NAA15: variants seen among roughly 807,000 people sequenced by gnomAD.
NAA15 encodes N-alpha-acetyltransferase 15, NatA auxiliary subunit, also known as N-terminal acetyltransferase.
Under a neutral mutation model 114.0 loss-of-function variants are expected in NAA15, and 34 were observed. The ratio of observed to expected loss-of-function variants is 0.30; its 90% confidence interval spans 0.23 to 0.40. The LOEUF (loss-of-function observed/expected upper bound fraction) is 0.40, where lower values mean the gene tolerates loss of function less well. NAA15 is among the 10% of genes least tolerant of loss of function. The pLI is 1.00. For missense variants in NAA15, 658 were observed against 1,004.5 expected (o/e 0.66, Z 4.66); for synonymous variants, 340 against 338.0 (o/e 1.01, Z -0.06).
At chr4:139,329,189 T>G (rs1746912839) in intron 1 of NAA15, among the ~76,000 whole-genome samples, 1 of 152,176 alleles carries the variant, frequency 6.6e-6, no homozygotes, top group Non-Finnish European at 1.5e-5. Context: ...GCCTTAATAC[T>G]GTATTTTCAT....
intron 14 of NAA15, among the ~76,000 whole-genome samples, chr4:139,367,558 A>G (rs1748317230): frequency 6.6e-6 from 1 of 152,130 alleles, no homozygotes; most frequent in African/African-American, 2.4e-5. Context: ...AGGGGAGAAC[A>G]CCCTTAAGTT....
At chr4:139,367,826 G>C (rs957765484) in intron 14 of NAA15, among the ~76,000 whole-genome samples, 2 of 152,006 alleles carry the variant, frequency 1.3e-5, no homozygotes, top group Non-Finnish European at 2.9e-5. Context: ...CATTTTTCCT[G>C]GGCACTTTGC....
intron 9 of NAA15, among the ~76,000 whole-genome samples, chr4:139,352,732 A>C (rs1417545110): frequency 1.5e-5 from 2 of 130,190 alleles, no homozygotes; most frequent in Non-Finnish European, 3.1e-5. Context: ...CAATGGCGTG[A>C]TCTCAGCTCA....
intron 1 of NAA15, among the ~76,000 whole-genome samples, chr4:139,326,717 G>A (rs1746815001): frequency 1.3e-5 from 2 of 152,144 alleles, no homozygotes; most frequent in Admixed American, 1.3e-4. Context: ...TTTAACAGAT[G>A]AGGCCTAGAT....
intron 10 of NAA15, among the ~76,000 whole-genome samples, chr4:139,356,240 C>A (rs1020538074): frequency 1.3e-5 from 2 of 151,986 alleles, no homozygotes; most frequent in African/African-American, 4.8e-5. Context: ...CTTTACATAC[C>A]ATAGTAGTAG....
In NAA15 at chr4:139,340,928, C is replaced by A. The variant is rs57269359; in HGVS notation, c.261C>A (p.Gly87=). Residue 87 remains glycine (G), a synonymous_variant, in exon 4 of 20, where the codon GGC becomes GGA. Transcript: ENST00000296543. ...ATTCTTTAGGTTGGCACGTTTATGGCCTTCTTCAGAGGTCAGACAAGAAGT... is the reference window on the plus strand; with the variant it reads ...ATTCTTTAGGTTGGCACGTTTATGGACTTCTTCAGAGGTCAGACAAGAAGT... ...LKSHVCWHVY[G]LLQRSDKKYD... is the part of the protein sequence containing the mutation. The A allele has an allele frequency of 0.012, 18,305 of 1,579,482 alleles. 1,728 individuals are homozygous for A. The African/African-American group carries it at 0.22, about 19-fold the overall frequency.
chr4:139,329,525 G>C (rs763507587), intron 1 of NAA15, among the ~76,000 whole-genome samples: 1 of 151,996 alleles, frequency 6.6e-6, no homozygotes, highest in South Asian at 2.1e-4. Flanking sequence ...TGTTAGGGTG[G>C]GTCTAAAGTA....
intron 7 of NAA15, among the ~76,000 whole-genome samples, chr4:139,350,586 T>A (rs1747743347): frequency 6.6e-6 from 1 of 152,200 alleles, no homozygotes; most frequent in South Asian, 2.1e-4. Flanking sequence ...AGGCTAGTTG[T>A]GAGCCATTGA....
chr4:139,305,357 A>G (rs956500143), intron 1 of NAA15, among the ~76,000 whole-genome samples: 2 of 152,186 alleles, frequency 1.3e-5, no homozygotes, highest in African/African-American at 4.8e-5. Context: ...GAATGAAGAA[A>G]GTGTTACTGA....
chr4:139,320,332 C>T (rs528111220), intron 1 of NAA15, among the ~76,000 whole-genome samples: 2 of 152,246 alleles, frequency 1.3e-5, no homozygotes, highest in South Asian at 2.1e-4. Context: ...CACTTCATAG[C>T]CAGTCTGGTG....
chr4:139,368,446 A>G (rs1398241430), intron 14 of NAA15, among the ~76,000 whole-genome samples: 1 of 152,174 alleles, frequency 6.6e-6, no homozygotes, highest in Non-Finnish European at 1.5e-5. Flanking sequence ...TGCCAGCTGG[A>G]GCATCTGAAG....
chr4:139,344,935 C>T (rs1747533156), intron 6 of NAA15, among the ~76,000 whole-genome samples: 1 of 152,050 alleles, frequency 6.6e-6, no homozygotes, highest in Admixed American at 6.6e-5. Context: ...AAAAATGAGT[C>T]TTAACAGTTT....
At chr4:139,319,190 A>C (rs914311836) in intron 1 of NAA15, among the ~76,000 whole-genome samples, 4 of 152,192 alleles carry the variant, frequency 2.6e-5, no homozygotes, top group Non-Finnish European at 5.9e-5. Context: ...GCTGTTCAGG[A>C]GGCTGAGGCA....
intron 1 of NAA15, among the ~76,000 whole-genome samples, chr4:139,319,754 T>G (rs1382832546): frequency 1.3e-5 from 2 of 152,170 alleles, no homozygotes; most frequent in Admixed American, 1.3e-4. Flanking sequence ...CTTAATATTG[T>G]GGGTTTCAGA....
At chr4:139,356,969 CAATT>C (rs1312423184) in intron 10 of NAA15, among the ~76,000 whole-genome samples, 1 of 140,398 alleles carries the variant, frequency 7.1e-6, no homozygotes, top group African/African-American at 2.9e-5. Flanking sequence ...GCTAGAAACT[CAATT>C]AAGCAGCCAG....
chr4:139,332,966 A>T (rs1248582233), intron 1 of NAA15, among the ~76,000 whole-genome samples: 2 of 152,156 alleles, frequency 1.3e-5, no homozygotes, highest in Non-Finnish European at 2.9e-5. Flanking sequence ...AAATCCAGGG[A>T]TGCTCAAGTC....
chr4:139,328,167 C>T (rs1746867037), intron 1 of NAA15, among the ~76,000 whole-genome samples: 1 of 151,026 alleles, frequency 6.6e-6, no homozygotes, highest in Admixed American at 6.6e-5. Context: ...TTACTCTTAT[C>T]TGGGAAAGGT....
At chr4:139,350,493 A>T (rs907313513) in intron 7 of NAA15, among the ~76,000 whole-genome samples, 1 of 152,170 alleles carries the variant, frequency 6.6e-6, no homozygotes, top group African/African-American at 2.4e-5. Context: ...ATCCTCTCCC[A>T]TAAGTGGGGT....
chr4:139,367,928 A>G (rs1257884491), intron 14 of NAA15, among the ~76,000 whole-genome samples: 1 of 152,108 alleles, frequency 6.6e-6, no homozygotes, highest in East Asian at 1.9e-4. Flanking sequence ...CTCTGTGGCT[A>G]TTACATATCC....
Sources: gnomAD v4.1 joint callset for allele counts (sites outside exome capture counted in the v4.1 genomes callset) on GRCh38, gnomAD v4.1.1 for gene constraint, MANE v1.5 for transcripts, NCBI Gene and HGNC (gene_info 2026-07-23, HGNC 2026-07-21) for gene names.